SDK1: variants seen among roughly 807,000 people sequenced by gnomAD.
SDK1 encodes the protein protein sidekick-1.
A neutral mutation model predicts 245.5 loss-of-function variants in SDK1; 157 were observed. The observed-to-expected ratio is 0.64, with a 90% CI of 0.56 to 0.73. SDK1 has a LOEUF of 0.73. Among genes scored for constraint, SDK1 ranks in the 30% least tolerant of loss-of-function variants. The probability of loss-of-function intolerance (pLI) is 0.00; values close to 1 mark genes in which losing one functional copy is unlikely to be tolerated. For missense variants in SDK1, 3,583 were observed against 3,002.3 expected, an observed-to-expected ratio of 1.19 and a Z score of -4.52; for synonymous variants, 1,647 against 1,278.5, an observed-to-expected ratio of 1.29 and a Z score of -6.15.
At chr7:4,161,530 A>T (rs1333608764) in intron 31 of SDK1, among the ~76,000 whole-genome samples, 1 of 152,130 alleles carries the variant, frequency 6.6e-6, no homozygotes, top group African/African-American at 2.4e-5. Flanking sequence ...GGCTCTCGGA[A>T]TGTCCACCAC....
At chr7:3,575,024 A>G (rs927035587) in intron 1 of SDK1, among the ~76,000 whole-genome samples, 3 of 152,014 alleles carry the variant, frequency 2.0e-5, no homozygotes, top group Admixed American at 1.3e-4. Context: ...ACAGCCTCCC[A>G]TTCCTGTGCA....
intron 1 of SDK1, among the ~76,000 whole-genome samples, chr7:3,328,059 C>G (rs548707261): frequency 6.6e-6 from 1 of 152,158 alleles, no homozygotes; most frequent in South Asian, 2.1e-4. Flanking sequence ...ATAGAACTGC[C>G]TAAAAATAAC....
chr7:3,816,542 C>G (rs1028291816), intron 4 of SDK1, among the ~76,000 whole-genome samples: 1 of 151,230 alleles, frequency 6.6e-6, no homozygotes, highest in Non-Finnish European at 1.5e-5. Context: ...CAAGACTAAA[C>G]CAGGAAGAAG....
intron 44 of SDK1, among the ~76,000 whole-genome samples, chr7:4,252,002 T>TA: frequency 6.6e-6 from 1 of 152,384 alleles, no homozygotes. Flanking sequence ...GTTTGGATGT[T>TA]AAACCAACCT....
At chr7:3,692,483 A>G (rs988574775) in intron 4 of SDK1, among the ~76,000 whole-genome samples, 1 of 152,162 alleles carries the variant, frequency 6.6e-6, no homozygotes, top group African/African-American at 2.4e-5. Flanking sequence ...ATATTTTTCA[A>G]TAACATATTT....
chr7:3,891,473 G>A (rs776371980), intron 5 of SDK1, among the ~76,000 whole-genome samples: 5 of 152,244 alleles, frequency 3.3e-5, no homozygotes, highest in East Asian at 1.9e-4. Context: ...CAAATGCCAC[G>A]GTCTATGTTA....
At position 3,450,958 on chromosome 7, in the gene SDK1, C is replaced by A. The variant is rs142063956; in HGVS notation, c.298+149074C>A. Reference sequence around the variant, plus strand: ...GGAGGAGAAAGTTTCATAAAGGAAACGATAGTCATTGCAGTCAGATGGCAC... The same window carrying A: ...GGAGGAGAAAGTTTCATAAAGGAAAAGATAGTCATTGCAGTCAGATGGCAC... On this transcript the variant is annotated intron_variant, in intron 1 of 44. Coordinates refer to ENST00000404826, the MANE Select transcript of SDK1 (RefSeq NM_152744.4). Among the ~76,000 whole-genome samples the A allele has an allele frequency of 9.1e-4, 138 of 152,140 alleles. 1 individual carries two copies. The highest frequency in any genetic ancestry group is 3.2e-3 in the African/African-American group (131 of 41,512).
At chr7:3,578,355 T>G (rs765502797) in intron 1 of SDK1, among the ~76,000 whole-genome samples, 3 of 152,000 alleles carry the variant, frequency 2.0e-5, no homozygotes, top group Non-Finnish European at 2.9e-5. Context: ...AAAGGAGAAC[T>G]AAGATCACGT....
rs978459419 is a variant in SDK1 at position 4,109,001 on chromosome 7, G to A, written c.3325-1662G>A. Among the ~76,000 whole-genome samples, 5 of 152,190 alleles carry A rather than the reference G, an allele frequency of 3.3e-5. No individual in the cohort carries two copies. In the East Asian group the frequency reaches 9.6e-4, roughly 29 times the overall value. ...GATTTGTCCATGTGGTAGCAGGTGT[G>A]GGTGCTTTGTTCCTTTCTATGGCTG... On this transcript the variant is annotated intron_variant, in intron 22 of 44. Coordinates refer to ENST00000404826, the MANE Select transcript of SDK1 (RefSeq NM_152744.4).
At position 4,182,080 on chromosome 7, in the gene SDK1, C is replaced by T. The variant is rs1251633752; in HGVS notation, c.5098+3494C>T. Among the ~76,000 whole-genome samples the T allele has an allele frequency of 2.6e-5, 4 of 152,176 alleles. No homozygotes were observed. The East Asian group carries it at 7.7e-4, about 29-fold the overall frequency. ...GATTACAGGCGCCCGCCACCACGCC[C>T]AGCTAATTTTTTGTACTTTTAGTAG... On this transcript the variant is annotated intron_variant, in intron 35 of 44. Transcript: ENST00000404826.
At chr7:3,361,160 A>G (rs1008048718) in intron 1 of SDK1, among the ~76,000 whole-genome samples, 1 of 152,182 alleles carries the variant, frequency 6.6e-6, no homozygotes, top group Non-Finnish European at 1.5e-5. Context: ...CTATATTACA[A>G]TTATTTATGG....
intron 1 of SDK1, among the ~76,000 whole-genome samples, chr7:3,605,031 G>T (rs1177891512): frequency 6.6e-6 from 1 of 151,838 alleles, no homozygotes; most frequent in African/African-American, 2.4e-5. Flanking sequence ...ATGGCCAGAG[G>T]ATACACTCTG....
chr7:3,642,120 A>G lies in SDK1; in HGVS notation c.713+15A>G, dbSNP rs753578978. 1 of 1,612,874 alleles carries G rather than the reference A, an allele frequency of 6.2e-7. No homozygotes were observed. The highest frequency in any genetic ancestry group is 1.1e-5 in the South Asian group (1 of 90,986). On this transcript the variant is annotated intron_variant, in intron 4 of 44. Coordinates refer to ENST00000404826, the MANE Select transcript of SDK1 (RefSeq NM_152744.4). ...AGCAACAGAATGTAAGTTGCTCCAAACGTTAAAGCTTCAAATACAATTGTA... is the reference window on the plus strand; with the variant it reads ...AGCAACAGAATGTAAGTTGCTCCAAGCGTTAAAGCTTCAAATACAATTGTA...
chr7:3,418,451 G>A (rs1779441053), intron 1 of SDK1, among the ~76,000 whole-genome samples: 1 of 152,144 alleles, frequency 6.6e-6, no homozygotes, highest in African/African-American at 2.4e-5. Flanking sequence ...AGAGCAAAGA[G>A]CCTAGAGGTT....
chr7:3,856,028 T>A lies in SDK1; in HGVS notation c.847+34445T>A, dbSNP rs574639513. Among the ~76,000 whole-genome samples, 3 of 152,302 alleles carry A rather than the reference T, an allele frequency of 2.0e-5. No homozygotes were observed. In the South Asian group the frequency reaches 6.2e-4, roughly 32 times the overall value. ...ACTGTTAAATCTAAATGTTTATTAT[T>A]GATAGCATTAATACAGAACTAACAT... On this transcript the variant is annotated intron_variant, in intron 5 of 44. Coordinates refer to ENST00000404826, the MANE Select transcript of SDK1 (RefSeq NM_152744.4).
At position 4,238,089 on chromosome 7, in the gene SDK1, CTT is replaced by C. The variant is rs67172945; in HGVS notation, c.6130+317_6130+318del. Among the ~76,000 whole-genome samples the C allele has an allele frequency of 8.3e-3, 1,220 of 146,344 alleles. 10 individuals carry two copies. Among genetic ancestry groups the C allele is most frequent in the South Asian group, 0.02 (92 of 4,570 alleles). On this transcript the variant is annotated intron_variant, in intron 42 of 44. Transcript: ENST00000404826. The stretch of plus-strand genomic sequence containing the variant: ...CTGTACCTTTGTTCAAATGCAATTG[CTT>C]TTTTTTTTTTTACAGTCTCACTCTG...
chr7:4,007,488 G>C (rs1487437133), intron 14 of SDK1, among the ~76,000 whole-genome samples: 1 of 152,134 alleles, frequency 6.6e-6, no homozygotes, highest in Non-Finnish European at 1.5e-5. Context: ...TGGATCTAGG[G>C]AGAGCAAGCT....
intron 25 of SDK1, among the ~76,000 whole-genome samples, chr7:4,117,332 G>T (rs1323516424): frequency 6.6e-6 from 1 of 152,152 alleles, no homozygotes; most frequent in Non-Finnish European, 1.5e-5. Flanking sequence ...GCCAGGTGTG[G>T]TGGCATGCAC....
chr7:3,932,799 GAT>G (rs1393416814), intron 5 of SDK1, among the ~76,000 whole-genome samples: 1 of 152,174 alleles, frequency 6.6e-6, no homozygotes, highest in Admixed American at 6.5e-5. Context: ...CATTCCCAGA[GAT>G]AGACAGGAGA....
Sources: allele counts gnomAD v4.1 joint callset (sites outside exome capture counted in the v4.1 genomes callset), GRCh38; gene constraint gnomAD v4.1.1; transcripts MANE v1.5; gene names NCBI Gene and HGNC (gene_info 2026-07-23, HGNC 2026-07-21).